The following DKK3 variants were observed in gnomAD, a reference collection of about 807,000 sequenced individuals.
DKK3 encodes the protein dickkopf-related protein 3.
Under a neutral mutation model 33.2 loss-of-function variants are expected in DKK3, and 22 were observed. That is an observed-to-expected ratio of 0.66 (90% CI 0.47 to 0.95). The LOEUF (loss-of-function observed/expected upper bound fraction) is 0.95. Among genes scored for constraint, DKK3 ranks in the 40% least tolerant of loss-of-function variants. The pLI, the probability that DKK3 is intolerant of heterozygous loss-of-function variation, is 0.00. For synonymous variants in DKK3, 194 were observed against 188.8 expected (o/e 1.03, Z -0.23); for missense variants, 398 against 458.4 (o/e 0.87, Z 1.20).
At chr11:11,970,920 G>A (rs1227592094) in intron 3 of DKK3, among the ~76,000 whole-genome samples, 2 of 152,138 alleles carry the variant, frequency 1.3e-5, no homozygotes, top group Non-Finnish European at 2.9e-5. Context: ...TTTTAATCCA[G>A]TAAATGTGTG....
intron 3 of DKK3, among the ~76,000 whole-genome samples, chr11:11,997,609 C>A (rs1302322813): frequency 6.6e-6 from 1 of 152,146 alleles, no homozygotes; most frequent in Admixed American, 6.5e-5. Context: ...CAAAGTGGGG[C>A]TTCTAGACTC....
intron 3 of DKK3, among the ~76,000 whole-genome samples, chr11:11,991,874 A>C (rs1317998887): frequency 6.6e-6 from 1 of 152,244 alleles, no homozygotes. Context: ...CTGTCTCCCA[A>C]GCAAGTCTTC....
chr11:11,965,667 G>C, intron 6 of DKK3, 142 bp downstream of exon 6: 1 of 1,067,148 alleles, frequency 9.4e-7, no homozygotes. Flanking sequence ...CCTTCCATCT[G>C]CATGACCCAA....
intron 3 of DKK3, among the ~76,000 whole-genome samples, chr11:11,995,750 A>G (rs1376379927): frequency 6.6e-6 from 1 of 152,212 alleles, no homozygotes; most frequent in African/African-American, 2.4e-5. Flanking sequence ...TGCGTCTGCC[A>G]CTGACCTGTG....
upstream of DKK3, chr11:12,008,823 G>T: frequency 8.5e-7 from 1 of 1,172,240 alleles, no homozygotes; most frequent in East Asian, 3.9e-5. The surrounding 1 kb of genome is among the most constrained non-coding windows in gnomAD (Gnocchi z 4.6). Flanking sequence ...ATCGCCCCAG[G>T]ACCCCGCACC....
intron 3 of DKK3, among the ~76,000 whole-genome samples, chr11:11,985,856 G>A (rs954592071): frequency 1.2e-4 from 19 of 152,334 alleles, no homozygotes; most frequent in South Asian, 4.1e-4. Flanking sequence ...ATGGGGATGC[G>A]GGGAGAGGAG....
chr11:11,975,027 C>T (rs1020812379), intron 3 of DKK3, among the ~76,000 whole-genome samples: 12 of 152,174 alleles, frequency 7.9e-5, no homozygotes, highest in African/African-American at 2.9e-4. Flanking sequence ...CATAAGAGCA[C>T]ACATCCTTCC....
At position 12,008,595 on chromosome 11, in the gene DKK3, CCCGCAG is replaced by C; in HGVS notation, c.-19_-14del. 1 of 1,389,448 alleles carries C rather than the reference CCCGCAG, an allele frequency of 7.2e-7. No homozygotes were observed. Among genetic ancestry groups the C allele is most frequent in the Non-Finnish European group, 9.2e-7 (1 of 1,081,966 alleles). 86.1% of individuals were successfully genotyped at this position (1,389,448 alleles called of 1,614,324 possible). A position where few individuals can be genotyped will look rare whatever the true frequency, so the allele number is the denominator to read the frequency against. ...CAAGCCGCTGCATCTCCGCTCTGCG[CCCGCAG>C]CCGCCGCCTGTGTGTCCCGGAACGC... On this transcript the variant is annotated 5_prime_UTR_variant, in exon 1 of 7. Coordinates refer to ENST00000683431, the MANE Select transcript of DKK3 (RefSeq NM_001018057.2). The surrounding 1 kb of genome is among the most constrained non-coding windows in gnomAD (Gnocchi z 4.6).
intron 1 of DKK3, among the ~76,000 whole-genome samples, chr11:12,007,386 G>T (rs999355288): frequency 1.1e-4 from 17 of 152,136 alleles, no homozygotes; most frequent in Admixed American, 2.6e-4. Context: ...AGACAGATTG[G>T]GCCCAACAGC....
At chr11:11,988,946 G>C (rs1011632098) in intron 3 of DKK3, among the ~76,000 whole-genome samples, 1 of 152,230 alleles carries the variant, frequency 6.6e-6, no homozygotes, top group African/African-American at 2.4e-5. Flanking sequence ...GCTGGAAACA[G>C]AGTTGGGGAA....
chr11:11,984,572 C>A (rs1221891140), intron 3 of DKK3, among the ~76,000 whole-genome samples: 1 of 151,504 alleles, frequency 6.6e-6, no homozygotes, highest in South Asian at 2.1e-4. Flanking sequence ...GCTGTATGCC[C>A]AAGCTGAACA....
chr11:11,988,969 T>C (rs556988554), intron 3 of DKK3, among the ~76,000 whole-genome samples: 1 of 152,274 alleles, frequency 6.6e-6, no homozygotes, highest in South Asian at 2.1e-4. Context: ...CACTGCCTTA[T>C]CCAAGGACAG....
chr11:12,002,889 C>A (rs1195260815), intron 1 of DKK3, among the ~76,000 whole-genome samples: 1 of 152,210 alleles, frequency 6.6e-6, no homozygotes, highest in Admixed American at 6.5e-5. Flanking sequence ...TAAGGGCATT[C>A]TCTGGTCACC....
chr11:11,998,745 G>A lies in DKK3; in HGVS notation c.386C>T (p.Ser129Leu), dbSNP rs752466547. The A allele has an allele frequency of 1.2e-5, 19 of 1,614,064 alleles. No homozygotes were observed. Among genetic ancestry groups the A allele is most frequent in the Non-Finnish European group, 1.6e-5 (19 of 1,180,028 alleles). ...TCCCACAGATGTGATAACTGTCTCTGAAAAGACCATTTGTCCAGTCTGGTT... is the reference window on the plus strand; with the variant it reads ...TCCCACAGATGTGATAACTGTCTCTAAAAAGACCATTTGTCCAGTCTGGTT... The part of the protein sequence containing the change: ...TNNQTGQMVF[S>L]ETVITSVGDE... The change falls in exon 3 of 7, where the codon TCA (serine) becomes TTA (leucine). Residue 129 changes from serine (S) to leucine (L), a missense_variant. Ser to Leu is a moderately radical substitution (Grantham distance 145). Coordinates refer to ENST00000683431, the MANE Select transcript of DKK3 (RefSeq NM_001018057.2).
chr11:11,969,969 G>A (rs1471158562), intron 3 of DKK3, among the ~76,000 whole-genome samples: 1 of 152,226 alleles, frequency 6.6e-6, no homozygotes, highest in Non-Finnish European at 1.5e-5. Flanking sequence ...GACTGAGTCT[G>A]AGCCAGAGCC....
At chr11:11,976,044 C>T (rs796081378) in intron 3 of DKK3, among the ~76,000 whole-genome samples, 9 of 152,324 alleles carry the variant, frequency 5.9e-5, no homozygotes, top group African/African-American at 2.2e-4. Flanking sequence ...CACTCTACCC[C>T]TAGCGTGGAT....
chr11:12,006,976 T>A (rs962442), intron 1 of DKK3, among the ~76,000 whole-genome samples: 10 of 152,312 alleles, frequency 6.6e-5, no homozygotes, highest in African/African-American at 2.2e-4. Context: ...TTGGGGCCTA[T>A]CTGAATCCCT....
intron 3 of DKK3, among the ~76,000 whole-genome samples, chr11:11,997,619 C>T (rs1848325277): frequency 6.6e-6 from 1 of 152,124 alleles, no homozygotes; most frequent in East Asian, 1.9e-4. Flanking sequence ...CTTCTAGACT[C>T]CACAGCCAGT....
chr11:11,979,554 T>G (rs1847912076), intron 3 of DKK3: 1 of 152,306 alleles, frequency 6.6e-6, no homozygotes, highest in African/African-American at 2.4e-5. Context: ...TCTCTATTCC[T>G]GCCCAGCTCC....
Sources: allele counts gnomAD v4.1 joint callset (sites outside exome capture counted in the v4.1 genomes callset), GRCh38; gene constraint gnomAD v4.1.1; non-coding constraint Gnocchi (gnomAD v3.1); transcripts MANE v1.5; gene names NCBI Gene and HGNC (gene_info 2026-07-23, HGNC 2026-07-21).